NEMP2: variants seen among roughly 807,000 people sequenced by gnomAD.
NEMP2 encodes nuclear envelope integral membrane protein 2.
Under a neutral mutation model 54.2 loss-of-function variants are expected in NEMP2, and 53 were observed. The observed-to-expected ratio is 0.98, with a 90% CI of 0.78 to 1.23. The LOEUF is 1.23. NEMP2 is among the 50% of genes most tolerant of loss of function. NEMP2 has a pLI of 0.00. For missense variants in NEMP2, 455 were observed against 511.3 expected, an observed-to-expected ratio of 0.89 and a Z score of 1.06; for synonymous variants, 197 against 190.3, an observed-to-expected ratio of 1.04 and a Z score of -0.29.
the NEMP2 span, among the ~76,000 whole-genome samples, chr2:190,588,749 CA>C: frequency 6.6e-6 from 1 of 152,088 alleles, no homozygotes; most frequent in Non-Finnish European, 1.5e-5. This position sits in a 1 kb window ranked among gnomAD's most constrained non-coding sequence, Gnocchi z 5.0. Context: ...AAGAGCTGTC[CA>C]AAGCCCTCAT....
chr2:190,443,599 C>T, the NEMP2 span, among the ~76,000 whole-genome samples: 2 of 152,194 alleles, frequency 1.3e-5, no homozygotes, highest in Admixed American at 6.5e-5. This position sits in a 1 kb window ranked among gnomAD's most constrained non-coding sequence, Gnocchi z 4.2. Flanking sequence ...AAATAACTAA[C>T]ATTCCCCCTT....
the NEMP2 span, among the ~76,000 whole-genome samples, chr2:190,592,077 T>C: frequency 6.6e-6 from 1 of 152,170 alleles, no homozygotes; most frequent in Non-Finnish European, 1.5e-5. The surrounding 1 kb of genome is among the most constrained non-coding windows in gnomAD (Gnocchi z 4.4). Flanking sequence ...GTGTTGCATA[T>C]AGTCCTGTAT....
chr2:190,515,905 G>A (rs559940334), intron 6 of NEMP2, among the ~76,000 whole-genome samples: 40 of 152,260 alleles, frequency 2.6e-4, no homozygotes, highest in Admixed American at 4.6e-4. Context: ...GAATACTTAC[G>A]GGAAAGAAAG....
chr2:190,572,834 TATA>T, the NEMP2 span, among the ~76,000 whole-genome samples: 60 of 37,774 alleles, frequency 1.6e-3, 1 homozygote, highest in African/African-American at 4.8e-3. Flanking sequence ...TTTTCATGAG[TATA>T]TATATATATA....
chr2:190,503,960 C>T (rs1279828682), downstream of NEMP2, among the ~76,000 whole-genome samples: 2 of 152,188 alleles, frequency 1.3e-5, no homozygotes, highest in Admixed American at 6.5e-5. This position sits in a 1 kb window ranked among gnomAD's most constrained non-coding sequence, Gnocchi z 6.3. Flanking sequence ...CAGCTGTGTA[C>T]CTAACTCTCA....
chr2:190,598,216 T>C, the NEMP2 span, among the ~76,000 whole-genome samples: 1 of 152,120 alleles, frequency 6.6e-6, no homozygotes, highest in Non-Finnish European at 1.5e-5. Flanking sequence ...TCACCCCTGG[T>C]TGAAAACCAC....
At chr2:190,443,518 C>G in the NEMP2 span, among the ~76,000 whole-genome samples, 2 of 152,124 alleles carry the variant, frequency 1.3e-5, no homozygotes, top group Non-Finnish European at 2.9e-5. The surrounding 1 kb of genome is among the most constrained non-coding windows in gnomAD (Gnocchi z 4.2). Context: ...GATAAAAATA[C>G]AAGTTGACAG....
Position 190,510,534 on chromosome 2 carries a change from T to G in NEMP2, c.957A>C (p.Lys319Asn). ...PLRACSYMRW[K>N]MEQWFTSKEL... ...CTTTTGATGTAAACCACTGCTCCATTTTCCTAAAACATGGCATGTGGTTGC... is the reference window on the plus strand; with the variant it reads ...CTTTTGATGTAAACCACTGCTCCATGTTCCTAAAACATGGCATGTGGTTGC... The change falls in exon 8 of 9, where the codon AAA becomes AAC. Residue 319 changes from lysine (K) to asparagine (N), a missense_variant. Around this residue, in one of 3 missense-constraint regions of NEMP2, gnomAD observed 294 missense variants for 333.6 expected, o/e 0.88. Coordinates refer to ENST00000409150, the MANE Select transcript of NEMP2 (RefSeq NM_001142645.2). The surrounding 1 kb of genome is among the most constrained non-coding windows in gnomAD (Gnocchi z 5.7). 1 of 1,551,896 alleles carries G rather than the reference T, an allele frequency of 6.4e-7. No homozygotes were observed. Among genetic ancestry groups the G allele is most frequent in the Non-Finnish European group, 8.7e-7 (1 of 1,146,996 alleles).
At chr2:190,571,852 C>G in the NEMP2 span, among the ~76,000 whole-genome samples, 1 of 152,136 alleles carries the variant, frequency 6.6e-6, no homozygotes, top group Non-Finnish European at 1.5e-5. Context: ...GAGATCACCT[C>G]CCTGCCCTCC....
chr2:190,444,261 C>T, the NEMP2 span, among the ~76,000 whole-genome samples: 1 of 152,156 alleles, frequency 6.6e-6, no homozygotes, highest in Non-Finnish European at 1.5e-5. Flanking sequence ...TCTGCCAGAG[C>T]AGTACAAGTA....
In NEMP2 at chr2:190,534,547, G is replaced by C. The variant is rs187205303; in HGVS notation, c.97+12C>G. ...ACGCACGCGCGCGCCGCCGCCGCCGGTCCCGGGTTACCTGATAACGCTGCC... is the reference window on the plus strand; with the variant it reads ...ACGCACGCGCGCGCCGCCGCCGCCGCTCCCGGGTTACCTGATAACGCTGCC... On this transcript the variant is annotated intron_variant, in intron 1 of 8. Coordinates refer to ENST00000409150, the MANE Select transcript of NEMP2 (RefSeq NM_001142645.2). 1 of 1,393,350 alleles carries C rather than the reference G, an allele frequency of 7.2e-7. No individual in the cohort carries two copies. The allele number at this position is 1,393,350 out of a possible 1,614,324, so 86.3% of individuals were successfully genotyped here.
the NEMP2 span, chr2:190,489,928 G>GA: frequency 2.3e-6 from 3 of 1,318,986 alleles, no homozygotes; most frequent in Non-Finnish European, 3.0e-6. This position sits in a 1 kb window ranked among gnomAD's most constrained non-coding sequence, Gnocchi z 6.6. Flanking sequence ...GTCAACAAAT[G>GA]CCCCGAGAAG....
In NEMP2 at chr2:190,514,872, C is replaced by T. The variant is rs1248935056; in HGVS notation, c.728-194G>A. Among the ~76,000 whole-genome samples the T allele has an allele frequency of 1.3e-5, 2 of 152,034 alleles. No homozygotes were observed. The highest frequency in any genetic ancestry group is 4.8e-5 in the African/African-American group (2 of 41,366). ...ATATGAGATACTAGGCTGACTTTCG[C>T]AATAATTTGGGATGTACACTCATTA... On this transcript the variant is annotated intron_variant, in intron 6 of 8. Coordinates refer to ENST00000409150, the MANE Select transcript of NEMP2 (RefSeq NM_001142645.2). This position sits in a 1 kb window ranked among gnomAD's most constrained non-coding sequence, Gnocchi z 5.7.
chr2:190,475,812 T>C, the NEMP2 span, among the ~76,000 whole-genome samples: 2 of 151,942 alleles, frequency 1.3e-5, no homozygotes, highest in African/African-American at 4.8e-5. Context: ...CTTCAAACTA[T>C]ACTACAAGCC....
the NEMP2 span, among the ~76,000 whole-genome samples, chr2:190,576,623 G>T: frequency 6.6e-6 from 1 of 151,234 alleles, no homozygotes. Context: ...TTTATGGAGC[G>T]GGGTGGGGCG....
At chr2:190,422,656 G>C in the NEMP2 span, among the ~76,000 whole-genome samples, 46,501 of 152,010 alleles carry the variant, frequency 0.31, 8,005 homozygotes, top group African/African-American at 0.45. Context: ...CCAGTGTTCT[G>C]AAACGATGAT....
downstream of NEMP2, chr2:190,501,067 T>G (rs763181821): frequency 3.3e-5 from 5 of 152,228 alleles, no homozygotes; most frequent in African/African-American, 1.2e-4. Context: ...TACTATCTTA[T>G]AGTAATTCAG....
chr2:190,584,976 C>G, the NEMP2 span, among the ~76,000 whole-genome samples: 1 of 151,362 alleles, frequency 6.6e-6, no homozygotes, highest in Non-Finnish European at 1.5e-5. The surrounding 1 kb of genome is among the most constrained non-coding windows in gnomAD (Gnocchi z 4.2). Context: ...ACATAATGTA[C>G]TAGCTTAACT....
chr2:190,432,325 A>T, the NEMP2 span, among the ~76,000 whole-genome samples: 4 of 152,336 alleles, frequency 2.6e-5, no homozygotes, highest in Admixed American at 1.3e-4. Context: ...AGAATCCAGG[A>T]TGTGTATGTT....
Sources: allele counts gnomAD v4.1 joint callset (sites outside exome capture counted in the v4.1 genomes callset), GRCh38; gene constraint gnomAD v4.1.1; regional missense constraint gnomAD v4.1.1; non-coding constraint Gnocchi (gnomAD v3.1); transcripts MANE v1.5; gene names NCBI Gene and HGNC (gene_info 2026-07-23, HGNC 2026-07-21).